THNSL1: variants seen among roughly 807,000 people sequenced by gnomAD.
The protein encoded by THNSL1 is threonine synthase-like 1.
Under a neutral mutation model 50.4 loss-of-function variants are expected in THNSL1, and 48 were observed. That is an observed-to-expected ratio of 0.95 (90% confidence interval 0.76 to 1.21). The LOEUF (loss-of-function observed/expected upper bound fraction) is 1.21, where lower values mean the gene tolerates loss of function less well. Ranked by LOEUF, THNSL1 falls within the 50% of genes most tolerant of loss-of-function variation. The pLI, the probability that THNSL1 is intolerant of heterozygous loss-of-function variation, is 0.00. For missense variants in THNSL1, 896 were observed against 871.7 expected, an observed-to-expected ratio of 1.03 and a Z score of -0.35; for synonymous variants, 309 against 306.1, an observed-to-expected ratio of 1.01 and a Z score of -0.10.
chr10:24,959,445 A>G, the THNSL1 span, among the ~76,000 whole-genome samples: 80 of 152,312 alleles, frequency 5.3e-4, no homozygotes, highest in African/African-American at 1.9e-3. Context: ...GAGAAAGTAA[A>G]AGAAATTGGA....
the THNSL1 span, among the ~76,000 whole-genome samples, chr10:24,954,571 T>TA: frequency 6.6e-6 from 1 of 152,112 alleles, no homozygotes; most frequent in East Asian, 1.9e-4. Context: ...GCTATTAGTT[T>TA]AAACGTAAAA....
At chr10:24,998,067 C>G in the THNSL1 span, among the ~76,000 whole-genome samples, 1 of 152,146 alleles carries the variant, frequency 6.6e-6, no homozygotes, top group Non-Finnish European at 1.5e-5. Context: ...CTTCTTCCAT[C>G]TTGCCATCTT....
chr10:24,988,390 A>G, the THNSL1 span, among the ~76,000 whole-genome samples: 1 of 145,502 alleles, frequency 6.9e-6, no homozygotes, highest in Non-Finnish European at 1.5e-5. Flanking sequence ...ATATGTGTAT[A>G]TATTTATATA....
At chr10:24,985,142 T>A in the THNSL1 span, among the ~76,000 whole-genome samples, 4 of 152,334 alleles carry the variant, frequency 2.6e-5, no homozygotes, top group Non-Finnish European at 5.9e-5. Flanking sequence ...TTTGCTCTGC[T>A]TTTGTTGTTA....
In THNSL1 at chr10:25,026,275, T is replaced by A. The variant is rs1850850642; in HGVS notation, c.*820T>A. On this transcript the variant is annotated 3_prime_UTR_variant, in exon 3 of 3. Coordinates refer to ENST00000376356, the MANE Select transcript of THNSL1 (RefSeq NM_024838.5). Reference sequence around the variant, plus strand: ...ATTAAAGATGTACTCTGTCCTTCACTCTCCTTTGGATGTGTACGGTTAGGG... The same window carrying A: ...ATTAAAGATGTACTCTGTCCTTCACACTCCTTTGGATGTGTACGGTTAGGG... 6.0e-6 allele frequency: 1 copy of A among 166,838 alleles called. No individual in the cohort carries two copies. Among genetic ancestry groups the A allele is most frequent in the Non-Finnish European group, 1.5e-5 (1 of 68,130 alleles). The allele number at this position is 166,838 out of a possible 1,614,324, so 10.3% of individuals were successfully genotyped here.
At chr10:25,011,048 T>C in the THNSL1 span, among the ~76,000 whole-genome samples, 1 of 148,218 alleles carries the variant, frequency 6.7e-6, no homozygotes, top group Non-Finnish European at 1.5e-5. Context: ...TGAACTAGTT[T>C]ACAGTCCCAC....
chr10:24,985,866 G>A, the THNSL1 span, among the ~76,000 whole-genome samples: 16 of 152,260 alleles, frequency 1.1e-4, no homozygotes, highest in African/African-American at 3.8e-4. Flanking sequence ...CCAGGAGTTC[G>A]AGACCAGTGT....
At chr10:25,006,436 A>G in the THNSL1 span, among the ~76,000 whole-genome samples, 1 of 151,792 alleles carries the variant, frequency 6.6e-6, no homozygotes, top group Non-Finnish European at 1.5e-5. Context: ...GGACAATATG[A>G]CTTAGAGTGT....
At position 25,025,524 on chromosome 10, in the gene THNSL1, A is replaced by C; in HGVS notation, c.*69A>C. On this transcript the variant is annotated 3_prime_UTR_variant, in exon 3 of 3. Coordinates refer to ENST00000376356, the MANE Select transcript of THNSL1 (RefSeq NM_024838.5). The stretch of plus-strand genomic sequence containing the variant: ...TAATAAATCTCAAACACTGATTTGG[A>C]GTACAGTAGCATTTTGTCTTTTATG... 1 of 1,417,698 alleles carries C rather than the reference A, an allele frequency of 7.1e-7. No individual in the cohort carries two copies. The highest frequency in any genetic ancestry group is 9.6e-7 in the Non-Finnish European group (1 of 1,043,006). The allele number at this position is 1,417,698 out of a possible 1,614,324, so 87.8% of individuals were successfully genotyped here. A position where few individuals can be genotyped will look rare whatever the true frequency, so the allele number is the denominator to read the frequency against.
At chr10:24,987,902 G>A in the THNSL1 span, among the ~76,000 whole-genome samples, 2 of 152,018 alleles carry the variant, frequency 1.3e-5, no homozygotes, top group South Asian at 2.1e-4. Flanking sequence ...ATAAATAAAT[G>A]AATGAACAAA....
At chr10:25,017,102 T>C (rs1463156177) in intron 1 of THNSL1, among the ~76,000 whole-genome samples, 2 of 152,226 alleles carry the variant, frequency 1.3e-5, no homozygotes, top group African/African-American at 2.4e-5. Context: ...GTCGGGACTC[T>C]TCCTCTAGGT....
At chr10:24,952,943 A>G in the THNSL1 span, among the ~76,000 whole-genome samples, 5 of 151,728 alleles carry the variant, frequency 3.3e-5, no homozygotes, top group Admixed American at 3.3e-4. The surrounding 1 kb of genome is among the most constrained non-coding windows in gnomAD (Gnocchi z 5.1). Flanking sequence ...GGGACTCTGG[A>G]GCAGGAAGCC....
chr10:25,025,127 C>T lies in THNSL1; in HGVS notation c.1904C>T (p.Ser635Leu). ...GCTATTAACTCCACCTATAATACTT[C>T]AGGGTATATTTTGGATCCACACACT... ...LAAINSTYNT[S>L]GYILDPHTAV... Residue 635 changes from serine to leucine, a missense_variant, in exon 3 of 3, where the codon TCA becomes TTA. Coordinates refer to ENST00000376356, the MANE Select transcript of THNSL1 (RefSeq NM_024838.5). The T allele has an allele frequency of 6.2e-7, 1 of 1,614,024 alleles. No individual in the cohort carries two copies. Among genetic ancestry groups the T allele is most frequent in the East Asian group, 2.2e-5 (1 of 44,868 alleles).
At chr10:24,994,593 T>C in the THNSL1 span, among the ~76,000 whole-genome samples, 1 of 152,112 alleles carries the variant, frequency 6.6e-6, no homozygotes, top group Admixed American at 6.5e-5. Context: ...CCTTCTAAAG[T>C]GCTGGGATTA....
the THNSL1 span, chr10:24,984,493 T>C: frequency 7.7e-7 from 1 of 1,293,592 alleles, no homozygotes; most frequent in South Asian, 1.5e-5. Context: ...ATTGTGGAAC[T>C]GGAACACATA....
chr10:25,004,434 T>C, the THNSL1 span, among the ~76,000 whole-genome samples: 1 of 151,896 alleles, frequency 6.6e-6, no homozygotes, highest in Non-Finnish European at 1.5e-5. Flanking sequence ...ACCTCACCAG[T>C]ATCTTTTGAA....
At chr10:24,962,028 A>C in the THNSL1 span, among the ~76,000 whole-genome samples, 1 of 152,232 alleles carries the variant, frequency 6.6e-6, no homozygotes, top group Non-Finnish European at 1.5e-5. Context: ...CCTTTTACCC[A>C]ATATTAAAAT....
intron 1 of THNSL1, among the ~76,000 whole-genome samples, chr10:25,018,718 G>T (rs1158544113): frequency 6.8e-6 from 1 of 147,600 alleles, no homozygotes; most frequent in Non-Finnish European, 1.5e-5. Context: ...GAATAAAATG[G>T]GTGTAGATGA....
In THNSL1 at chr10:25,024,679, G is replaced by A. The variant is rs1289647382; in HGVS notation, c.1456G>A (p.Ala486Thr). ...LLPQVVYHAS[A>T]YLDLVSQGFI... is the part of the protein sequence containing the mutation. ...TCCGCAGGTAGTTTATCATGCTTCCGCATATCTTGATCTTGTTAGTCAAGG... is the reference window on the plus strand; with the variant it reads ...TCCGCAGGTAGTTTATCATGCTTCCACATATCTTGATCTTGTTAGTCAAGG... The change falls in exon 3 of 3, where the codon GCA becomes ACA. Residue 486 changes from alanine (A) to threonine (T), a missense_variant. Physicochemically the swap from Ala to Thr is moderately conservative, Grantham distance 58. Coordinates refer to ENST00000376356, the MANE Select transcript of THNSL1 (RefSeq NM_024838.5). 7 of 1,614,158 alleles carry A rather than the reference G, an allele frequency of 4.3e-6. No individual in the cohort carries two copies. Among genetic ancestry groups the A allele is most frequent in the East Asian group, 2.2e-5 (1 of 44,878 alleles).
Sources: gnomAD v4.1 joint callset for allele counts (sites outside exome capture counted in the v4.1 genomes callset) on GRCh38, gnomAD v4.1.1 for gene constraint, Gnocchi (gnomAD v3.1) non-coding constraint, MANE v1.5 for transcripts, NCBI Gene and HGNC (gene_info 2026-07-23, HGNC 2026-07-21) for gene names.